The following PPARGC1A variants were observed in gnomAD, a reference collection of about 807,000 sequenced individuals.
The protein encoded by PPARGC1A is PPARG coactivator 1 alpha, also known as peroxisome proliferator-activated receptor gamma coactivator 1-alpha.
A neutral mutation model predicts 88.7 loss-of-function variants in PPARGC1A; 25 were observed. The ratio of observed to expected loss-of-function variants is 0.28; its 90% CI spans 0.21 to 0.39. The LOEUF (loss-of-function observed/expected upper bound fraction) is 0.39, where lower values mean the gene tolerates loss of function less well. Ranked by LOEUF, PPARGC1A falls within the 10% of genes least tolerant of loss-of-function variation. The pLI, the probability that PPARGC1A is intolerant of heterozygous loss-of-function variation, is 1.00. For missense variants in PPARGC1A, 880 were observed against 968.7 expected (o/e 0.91, Z 1.22); for synonymous variants, 363 against 355.6 (o/e 1.02, Z -0.24).
the PPARGC1A span, among the ~76,000 whole-genome samples, chr4:23,979,906 A>C: frequency 6.6e-6 from 1 of 152,098 alleles, no homozygotes; most frequent in East Asian, 1.9e-4. Flanking sequence ...TCTCTGGAGA[A>C]CCATCCCTCT....
At chr4:23,902,796 G>GT (rs576892448), upstream of PPARGC1A, among the ~76,000 whole-genome samples, 10 of 152,280 alleles carry the variant, frequency 6.6e-5, no homozygotes, top group East Asian at 1.7e-3. Context: ...AGAAAAGCCT[G>GT]TTGTTGCATT....
the PPARGC1A span, among the ~76,000 whole-genome samples, chr4:24,113,548 A>T: frequency 6.6e-6 from 1 of 152,280 alleles, no homozygotes; most frequent in South Asian, 2.1e-4. Context: ...TTCATGCCCT[A>T]GTCCAATCCT....
chr4:24,472,892 G>C, the PPARGC1A span, among the ~76,000 whole-genome samples: 1 of 150,898 alleles, frequency 6.6e-6, no homozygotes, highest in Non-Finnish European at 1.5e-5. The surrounding 1 kb of genome is among the most constrained non-coding windows in gnomAD (Gnocchi z 4.5). Flanking sequence ...CAGCGCGAGC[G>C]GGCGGGCGTG....
At chr4:24,406,637 C>T in the PPARGC1A span, among the ~76,000 whole-genome samples, 11 of 152,182 alleles carry the variant, frequency 7.2e-5, no homozygotes, top group Non-Finnish European at 1.3e-4. Flanking sequence ...CAACATGCCA[C>T]GTCCTAGAGA....
At chr4:24,441,845 G>T in the PPARGC1A span, among the ~76,000 whole-genome samples, 2 of 152,218 alleles carry the variant, frequency 1.3e-5, no homozygotes, top group Admixed American at 6.5e-5. Context: ...CAGAGAGATG[G>T]TTCTTAGCTC....
chr4:23,890,230 A>G, upstream of PPARGC1A: 1 of 455,384 alleles, frequency 2.2e-6, no homozygotes, highest in Non-Finnish European at 3.4e-6. Flanking sequence ...AAAAAAAAAA[A>G]AAGAAAGAAA....
upstream of PPARGC1A, among the ~76,000 whole-genome samples, chr4:23,904,448 A>T (rs1415749574): frequency 6.6e-6 from 1 of 152,176 alleles, no homozygotes; most frequent in East Asian, 1.9e-4. Flanking sequence ...CCCATTCAGG[A>T]CATCCATCCA....
chr4:24,199,933 A>G, the PPARGC1A span, among the ~76,000 whole-genome samples: 1 of 152,176 alleles, frequency 6.6e-6, no homozygotes, highest in Non-Finnish European at 1.5e-5. Flanking sequence ...TGACAGCACC[A>G]TTAGTAATTC....
chr4:24,240,243 C>T, the PPARGC1A span, among the ~76,000 whole-genome samples: 1 of 152,152 alleles, frequency 6.6e-6, no homozygotes, highest in African/African-American at 2.4e-5. Flanking sequence ...AAATCAGAGG[C>T]ATAGAGACAC....
At chr4:24,232,884 G>T in the PPARGC1A span, among the ~76,000 whole-genome samples, 7 of 152,184 alleles carry the variant, frequency 4.6e-5, no homozygotes, top group African/African-American at 1.7e-4. Flanking sequence ...TAACATATCT[G>T]CATGCATATA....
chr4:24,145,121 A>G, the PPARGC1A span, among the ~76,000 whole-genome samples: 1 of 149,694 alleles, frequency 6.7e-6, no homozygotes, highest in Non-Finnish European at 1.5e-5. Context: ...GTACATACAT[A>G]TGCATATATA....
chr4:23,933,698 T>A, the PPARGC1A span, among the ~76,000 whole-genome samples: 1 of 152,234 alleles, frequency 6.6e-6, no homozygotes. Flanking sequence ...GTGCCATGTG[T>A]ATAAATCATC....
chr4:24,427,874 C>T, the PPARGC1A span, among the ~76,000 whole-genome samples: 2 of 151,996 alleles, frequency 1.3e-5, no homozygotes, highest in African/African-American at 4.8e-5. Flanking sequence ...GCTTTGGGAG[C>T]CTGAGGTGGG....
the PPARGC1A span, among the ~76,000 whole-genome samples, chr4:24,245,789 A>G: frequency 6.6e-6 from 1 of 152,322 alleles, no homozygotes; most frequent in Non-Finnish European, 1.5e-5. Context: ...CTTTGCCTCA[A>G]ATTTTTACAT....
the PPARGC1A span, among the ~76,000 whole-genome samples, chr4:23,927,103 C>T: frequency 6.6e-5 from 10 of 152,262 alleles, no homozygotes; most frequent in Non-Finnish European, 1.0e-4. Context: ...TCTAGCCTAC[C>T]GTAAATGTGT....
At chr4:24,006,969 G>A in the PPARGC1A span, among the ~76,000 whole-genome samples, 3 of 152,078 alleles carry the variant, frequency 2.0e-5, no homozygotes, top group Non-Finnish European at 4.4e-5. Context: ...TGTATCAATT[G>A]TAAAATGGAC....
the PPARGC1A span, among the ~76,000 whole-genome samples, chr4:24,130,575 T>C: frequency 2.6e-5 from 4 of 152,148 alleles, no homozygotes; most frequent in Non-Finnish European, 2.9e-5. Context: ...ACTTGTTTGA[T>C]GAAATGCTAC....
At chr4:24,325,186 C>T in the PPARGC1A span, among the ~76,000 whole-genome samples, 2 of 152,186 alleles carry the variant, frequency 1.3e-5, no homozygotes, top group African/African-American at 2.4e-5. Context: ...CCCTGAGACG[C>T]TTTACAGCCC....
At chr4:24,035,397 C>T in the PPARGC1A span, among the ~76,000 whole-genome samples, 4 of 151,618 alleles carry the variant, frequency 2.6e-5, no homozygotes, top group Non-Finnish European at 4.4e-5. Flanking sequence ...AAAAATTAGC[C>T]GGGTGTGGTG....
Sources: allele counts gnomAD v4.1 joint callset (sites outside exome capture counted in the v4.1 genomes callset), GRCh38; gene constraint gnomAD v4.1.1; non-coding constraint Gnocchi (gnomAD v3.1); transcripts MANE v1.5; gene names NCBI Gene and HGNC (gene_info 2026-07-23, HGNC 2026-07-21).